SPMIP2: variants seen among roughly 807,000 people sequenced by gnomAD.
The protein encoded by SPMIP2 is protein SPMIP2.
At chr4:159,030,350 C>T in the SPMIP2 span, among the ~76,000 whole-genome samples, 2 of 151,864 alleles carry the variant, frequency 1.3e-5, no homozygotes, top group Admixed American at 1.3e-4. Flanking sequence ...GAGGTCAAGG[C>T]TGCAGTAAGC....
the SPMIP2 span, among the ~76,000 whole-genome samples, chr4:158,924,833 A>T: frequency 1.3e-5 from 2 of 152,146 alleles, no homozygotes; most frequent in Non-Finnish European, 2.9e-5. Flanking sequence ...TTTATCCTTC[A>T]TTCTGTTGAC....
the SPMIP2 span, among the ~76,000 whole-genome samples, chr4:159,049,306 A>C: frequency 6.6e-6 from 1 of 152,198 alleles, no homozygotes; most frequent in Non-Finnish European, 1.5e-5. Flanking sequence ...ATTGTTAAGA[A>C]TTGTTTTACT....
chr4:158,960,442 G>T, the SPMIP2 span: 1 of 651,970 alleles, frequency 1.5e-6, no homozygotes, highest in Non-Finnish European at 2.6e-6. Context: ...GTCAGGTTGG[G>T]AAATGAAATA....
At chr4:158,893,846 G>A in the SPMIP2 span, 20 of 605,350 alleles carry the variant, frequency 3.3e-5, no homozygotes, top group Admixed American at 8.7e-5. Context: ...GCAATAAATT[G>A]TTATAGTTAA....
At chr4:158,973,413 C>G in the SPMIP2 span, 1 of 673,294 alleles carries the variant, frequency 1.5e-6, no homozygotes, top group East Asian at 2.7e-5. Context: ...TTATATGGTA[C>G]TTACTACGTT....
chr4:158,964,674 G>A, the SPMIP2 span, among the ~76,000 whole-genome samples: 3 of 152,158 alleles, frequency 2.0e-5, no homozygotes, highest in Admixed American at 6.5e-5. Flanking sequence ...TCATGTATTA[G>A]TCCGTGTTCA....
chr4:159,060,754 C>T, the SPMIP2 span, among the ~76,000 whole-genome samples: 1 of 152,072 alleles, frequency 6.6e-6, no homozygotes, highest in Non-Finnish European at 1.5e-5. Flanking sequence ...TATGTAAATT[C>T]TAATTTTAAA....
the SPMIP2 span, among the ~76,000 whole-genome samples, chr4:159,061,902 C>G: frequency 1.3e-5 from 2 of 151,414 alleles, no homozygotes; most frequent in African/African-American, 4.8e-5. Context: ...AATGTCTTAT[C>G]CCTGCTGGGG....
chr4:158,957,604 A>G, the SPMIP2 span, among the ~76,000 whole-genome samples: 1 of 151,958 alleles, frequency 6.6e-6, no homozygotes, highest in African/African-American at 2.4e-5. Context: ...TTTTTGTATT[A>G]TTAGTACAGA....
the SPMIP2 span, among the ~76,000 whole-genome samples, chr4:159,037,550 G>A: frequency 1.3e-5 from 2 of 151,670 alleles, no homozygotes; most frequent in Admixed American, 1.3e-4. Context: ...AGGTCGAGAT[G>A]GGTGAATTCC....
At chr4:158,927,063 G>A in the SPMIP2 span, among the ~76,000 whole-genome samples, 2 of 152,310 alleles carry the variant, frequency 1.3e-5, no homozygotes, top group African/African-American at 4.8e-5. Flanking sequence ...TTGTTGAATT[G>A]TCTATTTCCT....
chr4:158,905,385 C>T, the SPMIP2 span: 1 of 152,168 alleles, frequency 6.6e-6, no homozygotes, highest in Admixed American at 6.5e-5. Flanking sequence ...AAAGTTATTT[C>T]TATAAGCTCA....
At chr4:159,072,071 G>C in the SPMIP2 span, among the ~76,000 whole-genome samples, 1 of 152,344 alleles carries the variant, frequency 6.6e-6, no homozygotes, top group African/African-American at 2.4e-5. Flanking sequence ...CCAGCACTTT[G>C]GTAGGCCAAG....
At chr4:158,898,819 G>A in the SPMIP2 span, among the ~76,000 whole-genome samples, 2 of 152,052 alleles carry the variant, frequency 1.3e-5, no homozygotes, top group South Asian at 4.1e-4. Context: ...ATTTGAATAC[G>A]CTTTATTTCT....
chr4:159,080,373 C>T, the SPMIP2 span, among the ~76,000 whole-genome samples: 1 of 152,090 alleles, frequency 6.6e-6, no homozygotes, highest in Non-Finnish European at 1.5e-5. Context: ...CAGGTTACCA[C>T]ACCAGGCTAA....
the SPMIP2 span, among the ~76,000 whole-genome samples, chr4:158,898,080 T>C: frequency 6.6e-6 from 1 of 152,346 alleles, no homozygotes; most frequent in East Asian, 1.9e-4. Context: ...CCCAACACCA[T>C]TTATTAAATA....
At chr4:158,920,358 G>A in the SPMIP2 span, among the ~76,000 whole-genome samples, 297 of 152,230 alleles carry the variant, frequency 2.0e-3, no homozygotes, top group African/African-American at 5.9e-3. Context: ...GACTGCCTGC[G>A]GGGTTGGGCA....
chr4:159,000,025 C>T, the SPMIP2 span, among the ~76,000 whole-genome samples: 2 of 148,728 alleles, frequency 1.3e-5, no homozygotes, highest in African/African-American at 4.9e-5. Context: ...CAATTTCTTT[C>T]TTTTTTTTTT....
the SPMIP2 span, among the ~76,000 whole-genome samples, chr4:158,954,148 C>T: frequency 6.6e-6 from 1 of 152,096 alleles, no homozygotes; most frequent in Admixed American, 6.6e-5. Flanking sequence ...CTCTGTGTCC[C>T]CACCCAAATC....
Sources: allele counts gnomAD v4.1 joint callset (sites outside exome capture counted in the v4.1 genomes callset), GRCh38; gene constraint gnomAD v4.1.1; transcripts MANE v1.5; gene names NCBI Gene and HGNC (gene_info 2026-07-23, HGNC 2026-07-21).